Variants in LATS2 observed in about 807,000 individuals in gnomAD.
LATS2 encodes the protein large tumor suppressor kinase 2.
A neutral mutation model predicts 76.0 loss-of-function variants in LATS2; 24 were observed. The observed-to-expected ratio is 0.32, with a 90% CI of 0.23 to 0.44. The LOEUF (loss-of-function observed/expected upper bound fraction) is 0.44. Among genes scored for constraint, LATS2 ranks in the 20% least tolerant of loss-of-function variants. The pLI is 1.00. For synonymous variants in LATS2, 692 were observed against 635.4 expected, an observed-to-expected ratio of 1.09 and a Z score of -1.34; for missense variants, 1,286 against 1,481.2, an observed-to-expected ratio of 0.87 and a Z score of 2.16.
intron 2 of LATS2, among the ~76,000 whole-genome samples, chr13:21,013,705 C>T (rs1252441613): frequency 6.6e-6 from 1 of 152,180 alleles, no homozygotes; most frequent in Non-Finnish European, 1.5e-5. Context: ...GCGGCTCGAG[C>T]CTGCAATCCC....
chr13:21,041,292 C>T (rs1300129063), intron 2 of LATS2, among the ~76,000 whole-genome samples: 1 of 152,076 alleles, frequency 6.6e-6, no homozygotes, highest in Non-Finnish European at 1.5e-5. Flanking sequence ...TCTTATTAAG[C>T]AGATGGCCCC....
intron 2 of LATS2, among the ~76,000 whole-genome samples, chr13:21,034,253 C>A (rs1872621287): frequency 6.6e-6 from 1 of 152,232 alleles, no homozygotes; most frequent in South Asian, 2.1e-4. Context: ...CTGGTTGACA[C>A]AGCCAAGGTG....
intron 2 of LATS2, among the ~76,000 whole-genome samples, chr13:21,017,770 C>T (rs184333872): frequency 2.6e-5 from 4 of 152,046 alleles, no homozygotes; most frequent in South Asian, 2.1e-4. Context: ...GAATTACAGG[C>T]GCCCACCACC....
Position 21,054,671 on chromosome 13 carries a change from T to C in LATS2, c.-205+6675A>G, listed in dbSNP as rs144577478. Among the ~76,000 whole-genome samples the C allele has an allele frequency of 7.8e-3, 1,189 of 152,346 alleles. 9 individuals are homozygous for C. Among genetic ancestry groups the C allele is most frequent in the African/African-American group, 0.027 (1,138 of 41,582 alleles). Reference sequence around the variant, plus strand: ...TAAAATCAACCAGGGCAGTCGAGACTGGACATTTCTATGTCGATGTCTGTT... The same window carrying C: ...TAAAATCAACCAGGGCAGTCGAGACCGGACATTTCTATGTCGATGTCTGTT... On this transcript the variant is annotated intron_variant, in intron 1 of 7. Transcript: ENST00000382592.
At position 20,983,986 on chromosome 13, in the gene LATS2, A is replaced by G. The variant is rs188023259; in HGVS notation, c.1900-180T>C. The stretch of plus-strand genomic sequence containing the variant: ...CGCTCTGTCGCCTAGGCTGGAGTGC[A>G]GTGGCACAATCTCAGCTCACTGCAG... On this transcript the variant is annotated intron_variant, in intron 4 of 7. Coordinates refer to ENST00000382592, the MANE Select transcript of LATS2 (RefSeq NM_014572.3). Among the ~76,000 whole-genome samples the G allele has an allele frequency of 5.8e-3, 883 of 152,354 alleles. 6 individuals carry two copies. The highest frequency in any genetic ancestry group is 8.6e-3 in the Non-Finnish European group (587 of 68,032).
chr13:20,996,601 G>A (rs912512867), intron 2 of LATS2, among the ~76,000 whole-genome samples: 1 of 151,980 alleles, frequency 6.6e-6, no homozygotes, highest in Non-Finnish European at 1.5e-5. Flanking sequence ...GGCTGGTCTC[G>A]AACTCCTGAC....
At chr13:21,041,495 G>T (rs554256304) in intron 2 of LATS2, among the ~76,000 whole-genome samples, 1 of 152,184 alleles carries the variant, frequency 6.6e-6, no homozygotes, top group African/African-American at 2.4e-5. Context: ...ATGATAAAGT[G>T]GGGGGAAAGA....
intron 2 of LATS2, chr13:21,038,709 A>G (rs1434660997): frequency 6.6e-6 from 1 of 152,222 alleles, no homozygotes; most frequent in East Asian, 1.9e-4. Flanking sequence ...GCAGTTTTAT[A>G]CCAACATGTT....
chr13:21,039,022 G>A (rs1872778216), intron 2 of LATS2, among the ~76,000 whole-genome samples: 1 of 152,162 alleles, frequency 6.6e-6, no homozygotes, highest in South Asian at 2.1e-4. Flanking sequence ...TAAGGGGAGA[G>A]GGGATTATGA....
At chr13:20,998,432 G>T (rs1416514736) in intron 2 of LATS2, among the ~76,000 whole-genome samples, 1 of 152,120 alleles carries the variant, frequency 6.6e-6, no homozygotes, top group Non-Finnish European at 1.5e-5. Context: ...GATGAGAGGG[G>T]CCAGTTGGCT....
At chr13:20,981,738 A>T in intron 5 of LATS2, 90 bp from the exon 6 acceptor site, 2 of 1,115,964 alleles carry the variant, frequency 1.8e-6, no homozygotes, top group South Asian at 3.2e-5. Flanking sequence ...CCACAGCTTA[A>T]AACAGCAAAG....
chr13:20,978,967 GCCCAGGCTGGTCTTGAA>G (rs1297948700), intron 7 of LATS2, among the ~76,000 whole-genome samples: 2 of 152,028 alleles, frequency 1.3e-5, no homozygotes. Flanking sequence ...TCGCCATGTT[GCCCAGGCTGGTCTTGAA>G]CTCCTGACCT....
intron 2 of LATS2, among the ~76,000 whole-genome samples, chr13:21,043,086 C>A (rs1414075952): frequency 2.0e-5 from 3 of 152,122 alleles, no homozygotes; most frequent in Admixed American, 6.5e-5. Flanking sequence ...GTAATCCCAG[C>A]ACCTTGGGAG....
intron 1 of LATS2, among the ~76,000 whole-genome samples, chr13:21,054,406 T>A: frequency 6.6e-6 from 1 of 151,802 alleles, no homozygotes; most frequent in African/African-American, 2.4e-5. Flanking sequence ...AGTCTCCACC[T>A]CAAAAAGAAA....
intron 7 of LATS2, among the ~76,000 whole-genome samples, chr13:20,978,767 G>A (rs1869740384): frequency 6.6e-6 from 1 of 151,936 alleles, no homozygotes; most frequent in South Asian, 2.1e-4. Flanking sequence ...TCTTCTTTAT[G>A]ATTTTTTTTC....
chr13:21,030,924 G>C (rs906288816), intron 2 of LATS2, among the ~76,000 whole-genome samples: 39 of 149,578 alleles, frequency 2.6e-4, no homozygotes, highest in African/African-American at 9.4e-4. Context: ...AATTTTCTCA[G>C]ATTTTTGTTC....
intron 2 of LATS2, among the ~76,000 whole-genome samples, chr13:20,993,397 G>A (rs2138301062): frequency 6.6e-6 from 1 of 152,268 alleles, no homozygotes; most frequent in Admixed American, 6.5e-5. Flanking sequence ...TCCAGTCCTG[G>A]CCATATGCCA....
intron 2 of LATS2, among the ~76,000 whole-genome samples, chr13:21,043,100 G>A (rs992006174): frequency 1.2e-4 from 19 of 152,120 alleles, no homozygotes; most frequent in Non-Finnish European, 4.4e-5. Context: ...TTGGGAGGCC[G>A]AACGAAGCAG....
intron 2 of LATS2, among the ~76,000 whole-genome samples, chr13:21,035,656 C>T (rs778499998): frequency 4.6e-5 from 7 of 152,190 alleles, no homozygotes; most frequent in Non-Finnish European, 8.8e-5. Context: ...ATTAAGTGAA[C>T]AATATTTATG....
Sources: gnomAD v4.1 joint callset for allele counts (sites outside exome capture counted in the v4.1 genomes callset) on GRCh38, gnomAD v4.1.1 for gene constraint, MANE v1.5 for transcripts, NCBI Gene and HGNC (gene_info 2026-07-23, HGNC 2026-07-21) for gene names.